Variants in TUFT1 observed in about 807,000 individuals in gnomAD.
TUFT1 encodes tuftelin 1.
TUFT1 carries 43 observed loss-of-function variants against 57.8 expected under a neutral mutation model. The ratio of observed to expected loss-of-function variants is 0.74; its 90% confidence interval spans 0.58 to 0.96. The LOEUF (loss-of-function observed/expected upper bound fraction) is 0.96, where lower values mean the gene tolerates loss of function less well. Among genes scored for constraint, TUFT1 ranks in the 40% least tolerant of loss-of-function variants. The pLI, the probability that TUFT1 is intolerant of heterozygous loss-of-function variation, is 0.00. For synonymous variants in TUFT1, 166 were observed against 176.7 expected (o/e 0.94, Z 0.48); for missense variants, 459 against 489.0 (o/e 0.94, Z 0.58).
At chr1:151,540,491 C>A (rs778887703) in intron 1 of TUFT1, 65 bp downstream of exon 1, 15 of 1,587,364 alleles carry the variant, frequency 9.4e-6, no homozygotes, top group Non-Finnish European at 1.3e-5. Flanking sequence ...CCGCCCCTTC[C>A]GTGCCCCGCG....
intron 12 of TUFT1, 61 bp from the exon 13 acceptor site, chr1:151,581,583 A>G: frequency 6.5e-7 from 1 of 1,548,428 alleles, no homozygotes; most frequent in East Asian, 2.3e-5. Context: ...GGGCTCTGTG[A>G]AGGGTGGGCC....
chr1:151,560,466 T>A (rs1180828533), intron 1 of TUFT1, among the ~76,000 whole-genome samples: 2 of 152,126 alleles, frequency 1.3e-5, no homozygotes, highest in African/African-American at 4.8e-5. Context: ...CTTTTACAGA[T>A]AAAAACATCA....
chr1:151,554,331 A>C (rs1231577010), intron 1 of TUFT1, among the ~76,000 whole-genome samples: 1 of 152,194 alleles, frequency 6.6e-6, no homozygotes, highest in African/African-American at 2.4e-5. Flanking sequence ...TATTCTGGAC[A>C]TCTTTTGTCA....
At chr1:151,551,392 T>A (rs190408745) in intron 1 of TUFT1, among the ~76,000 whole-genome samples, 421 of 152,252 alleles carry the variant, frequency 2.8e-3, no homozygotes, top group Admixed American at 0.012. Context: ...GCTATCCATG[T>A]CTTCAAGGAG....
At chr1:151,581,575 G>A in intron 12 of TUFT1, 69 bp from the exon 13 acceptor site, 2 of 1,490,120 alleles carry the variant, frequency 1.3e-6, no homozygotes, top group South Asian at 1.2e-5. Context: ...GATTCCAGGG[G>A]CTCTGTGAAG....
chr1:151,575,107 C>A, intron 9 of TUFT1, 102 bp downstream of exon 9: 2 of 1,045,008 alleles, frequency 1.9e-6, no homozygotes, highest in Non-Finnish European at 2.8e-6. Flanking sequence ...GGGGAGGAAG[C>A]TGGTGCTGAT....
At chr1:151,580,302 C>T (rs1298262782) in intron 11 of TUFT1, among the ~76,000 whole-genome samples, 3 of 151,972 alleles carry the variant, frequency 2.0e-5, no homozygotes, top group African/African-American at 7.2e-5. Flanking sequence ...TTAAAAAGAC[C>T]AAAGAATGCT....
chr1:151,565,482 G>A (rs1400218869), intron 5 of TUFT1, among the ~76,000 whole-genome samples: 1 of 152,256 alleles, frequency 6.6e-6, no homozygotes, highest in Non-Finnish European at 1.5e-5. Flanking sequence ...GCATGCACTT[G>A]TGTGGTGGAA....
chr1:151,542,127 G>A (rs2337360), intron 1 of TUFT1, among the ~76,000 whole-genome samples: 52,235 of 152,040 alleles, frequency 0.34, 9,433 homozygotes, highest in Non-Finnish European at 0.41. Flanking sequence ...AAAGAGATCC[G>A]GAAAGAAGTC....
chr1:151,561,465 GCGCGCGCGCACACA>G lies in TUFT1; in HGVS notation c.61-624_61-611del, dbSNP rs1384587514. The stretch of plus-strand genomic sequence containing the variant: ...GGAGGTTGAGGCTGCAGTCATGCGC[GCGCGCGCGCACACA>G]CACACACACACACACACACACACAC... On this transcript the variant is annotated intron_variant, in intron 1 of 12. Coordinates refer to ENST00000368849, the MANE Select transcript of TUFT1 (RefSeq NM_020127.3). 865 of 308,296 alleles carry G rather than the reference GCGCGCGCGCACACA, an allele frequency of 2.8e-3. 5 individuals carry two copies. The highest frequency in any genetic ancestry group is 3.0e-3 in the Non-Finnish European group (746 of 248,112). 19.1% of individuals were successfully genotyped at this position (308,296 alleles called of 1,614,324 possible).
intron 7 of TUFT1, among the ~76,000 whole-genome samples, chr1:151,572,711 T>C (rs2102550635): frequency 1.3e-5 from 2 of 152,310 alleles, no homozygotes; most frequent in Middle Eastern, 6.8e-3. Flanking sequence ...AGCATGGGTT[T>C]CCTGTTCTAC....
In TUFT1 at chr1:151,574,412, C is replaced by A; in HGVS notation, c.723+14C>A. 1 of 1,613,636 alleles carries A rather than the reference C, an allele frequency of 6.2e-7. No homozygotes were observed. ...GGGATGGAGACGGTAACCGGGGGAT[C>A]TTGCTTGTCAGTGCCTGGACTCCTG... On this transcript the variant is annotated intron_variant, in intron 8 of 12. Transcript: ENST00000368849.
chr1:151,570,478 C>T (rs548571149), intron 7 of TUFT1, among the ~76,000 whole-genome samples: 2 of 152,202 alleles, frequency 1.3e-5, no homozygotes, highest in East Asian at 3.9e-4. Context: ...GACGGGGTTT[C>T]ACCATGTTGG....
chr1:151,564,078 T>G (rs1665986941), intron 4 of TUFT1, 88 bp downstream of exon 4: 2 of 1,077,938 alleles, frequency 1.9e-6, no homozygotes, highest in East Asian at 4.8e-5. Context: ...TGGATTCTGG[T>G]TTTTCCCCTT....
At chr1:151,573,596 T>C (rs1666340451) in intron 7 of TUFT1, among the ~76,000 whole-genome samples, 1 of 151,964 alleles carries the variant, frequency 6.6e-6, no homozygotes, top group South Asian at 2.1e-4. Flanking sequence ...AATACAAAAT[T>C]AGCTGGGCGT....
Position 151,569,694 on chromosome 1 carries a change from G to C in TUFT1, c.518G>C (p.Arg173Thr), listed in dbSNP as rs142162755. The C allele has an allele frequency of 6.1e-5, 98 of 1,613,968 alleles. No homozygotes were observed. The highest frequency in any genetic ancestry group is 7.7e-5 in the Non-Finnish European group (91 of 1,179,968). Reference sequence around the variant, plus strand: ...ATAAATGAGGATGTTGAGAGCTTGAGGAAGACGGTGCAGGACTTGCTGGCC... The same window carrying C: ...ATAAATGAGGATGTTGAGAGCTTGACGAAGACGGTGCAGGACTTGCTGGCC... ...TCINEDVESL[R>T]KTVQDLLAKL... The change falls in exon 7 of 13, where the codon AGG becomes ACG. Residue 173 changes from arginine to threonine, a missense_variant. Physicochemically the swap from Arg to Thr is moderately conservative, Grantham distance 71. Transcript: ENST00000368849.
Position 151,582,165 on chromosome 1 carries a change from C to G in TUFT1, c.*458C>G. On this transcript the variant is annotated 3_prime_UTR_variant, in exon 13 of 13. Coordinates refer to ENST00000368849, the MANE Select transcript of TUFT1 (RefSeq NM_020127.3). Reference sequence around the variant, plus strand: ...TTCCTTCCACAAACACAGCTCAGTTCTTAGCAACAAACTGTTTGTTTTTCT... The same window carrying G: ...TTCCTTCCACAAACACAGCTCAGTTGTTAGCAACAAACTGTTTGTTTTTCT... 1 of 459,126 alleles carries G rather than the reference C, an allele frequency of 2.2e-6. No individual in the cohort carries two copies. Among genetic ancestry groups the G allele is most frequent in the South Asian group, 1.5e-5 (1 of 64,594 alleles). 28.4% of individuals were successfully genotyped at this position (459,126 alleles called of 1,614,324 possible).
intron 1 of TUFT1, among the ~76,000 whole-genome samples, chr1:151,546,993 G>C (rs561657005): frequency 2.2e-4 from 34 of 152,330 alleles, no homozygotes; most frequent in Non-Finnish European, 4.1e-4. Flanking sequence ...CTAAAATGTG[G>C]AAGTCCTGGT....
chr1:151,546,992 G>A (rs1665360683), intron 1 of TUFT1, among the ~76,000 whole-genome samples: 1 of 152,170 alleles, frequency 6.6e-6, no homozygotes, highest in South Asian at 2.1e-4. Context: ...TCTAAAATGT[G>A]GAAGTCCTGG....
Sources: allele counts gnomAD v4.1 joint callset (sites outside exome capture counted in the v4.1 genomes callset), GRCh38; gene constraint gnomAD v4.1.1; transcripts MANE v1.5; gene names NCBI Gene and HGNC (gene_info 2026-07-23, HGNC 2026-07-21).